The following ADGRB3 variants were observed in gnomAD, a reference collection of about 807,000 sequenced individuals.
ADGRB3 encodes the protein adhesion G protein-coupled receptor B3.
In ADGRB3, 37 loss-of-function variants were observed where a neutral mutation model predicts 193.4. That is an observed-to-expected ratio of 0.19 (90% confidence interval 0.15 to 0.25). ADGRB3 has a LOEUF of 0.25. Ranked by LOEUF, ADGRB3 falls within the 10% of genes least tolerant of loss-of-function variation. The pLI is 1.00. For missense variants in ADGRB3, 1,637 were observed against 1,852.9 expected (o/e 0.88, Z 2.14); for synonymous variants, 690 against 644.2 (o/e 1.07, Z -1.08).
chr6:69,011,531 T>C (rs1268777797), intron 11 of ADGRB3, among the ~76,000 whole-genome samples: 1 of 151,916 alleles, frequency 6.6e-6, no homozygotes, highest in Non-Finnish European at 1.5e-5. Context: ...TACTGGCTAC[T>C]GTGCTTAGTA....
intron 3 of ADGRB3, among the ~76,000 whole-genome samples, chr6:68,900,336 A>C (rs1241879128): frequency 6.6e-6 from 1 of 152,158 alleles, no homozygotes; most frequent in Non-Finnish European, 1.5e-5. Context: ...CCAGAAGCAC[A>C]GGTCTGTAGA....
intron 3 of ADGRB3, among the ~76,000 whole-genome samples, chr6:68,891,991 A>C (rs1462600500): frequency 1.3e-5 from 2 of 152,208 alleles, no homozygotes; most frequent in African/African-American, 4.8e-5. Flanking sequence ...TGTTCTGTCC[A>C]TACTGTCCAG....
At chr6:68,911,419 T>TAA (rs61466569) in intron 3 of ADGRB3, among the ~76,000 whole-genome samples, 19 of 148,822 alleles carry the variant, frequency 1.3e-4, no homozygotes, top group Middle Eastern at 3.5e-3. Flanking sequence ...AAGTATAATT[T>TAA]AAAAAAAAAA....
chr6:68,891,521 A>ATT (rs1170471922), intron 3 of ADGRB3, among the ~76,000 whole-genome samples: 1 of 152,202 alleles, frequency 6.6e-6, no homozygotes, highest in Non-Finnish European at 1.5e-5. Flanking sequence ...TATGTGAGAC[A>ATT]TTATGATGGT....
intron 3 of ADGRB3, among the ~76,000 whole-genome samples, chr6:68,911,393 T>C (rs1766706308): frequency 2.6e-5 from 4 of 151,098 alleles, no homozygotes; most frequent in Admixed American, 2.6e-4. Flanking sequence ...GTTGTGCACA[T>C]GTACCCTAAA....
At chr6:69,274,476 C>CCTTCCTTCCTTCCTTCCTTCCTTCCTTT in intron 20 of ADGRB3, among the ~76,000 whole-genome samples, 1 of 120,864 alleles carries the variant, frequency 8.3e-6, no homozygotes, top group African/African-American at 3.9e-5. Flanking sequence ...TTCCTTCCTT[C>CCTTCCTTCCTTCCTTCCTTCCTTCCTTT]CTCCCTCCCT....
chr6:69,199,072 C>G (rs926208354), intron 17 of ADGRB3, among the ~76,000 whole-genome samples: 6 of 152,066 alleles, frequency 3.9e-5, no homozygotes, highest in Admixed American at 6.6e-5. Context: ...AGAAATACAC[C>G]AGATGATGAT....
intron 3 of ADGRB3, among the ~76,000 whole-genome samples, chr6:68,742,321 A>T (rs369491712): frequency 6.6e-6 from 1 of 152,166 alleles, no homozygotes; most frequent in South Asian, 2.1e-4. Flanking sequence ...ATATGAATGG[A>T]AATTTAATCC....
chr6:68,642,797 G>T (rs1267276033), intron 3 of ADGRB3, among the ~76,000 whole-genome samples: 1 of 148,592 alleles, frequency 6.7e-6, no homozygotes. Context: ...ACATATAATG[G>T]CTATAACTTA....
chr6:69,177,412 A>C (rs1775457409), intron 17 of ADGRB3, among the ~76,000 whole-genome samples: 1 of 151,754 alleles, frequency 6.6e-6, no homozygotes, highest in African/African-American at 2.4e-5. Flanking sequence ...GCTAGAGTGC[A>C]GTGGCGCCGT....
intron 4 of ADGRB3, among the ~76,000 whole-genome samples, chr6:68,936,081 G>T (rs1767478617): frequency 6.6e-6 from 1 of 152,138 alleles, no homozygotes; most frequent in South Asian, 2.1e-4. Context: ...GCATTAGAAA[G>T]GGTGTTATGC....
At chr6:69,101,646 C>T (rs977757846) in intron 17 of ADGRB3, among the ~76,000 whole-genome samples, 5 of 150,528 alleles carry the variant, frequency 3.3e-5, no homozygotes, top group African/African-American at 1.2e-4. Flanking sequence ...CCATATTATA[C>T]AGAAACATTT....
intron 3 of ADGRB3, among the ~76,000 whole-genome samples, chr6:68,714,220 A>G (rs1024532474): frequency 2.6e-5 from 4 of 151,876 alleles, no homozygotes; most frequent in African/African-American, 9.7e-5. Flanking sequence ...GAATTTCAAA[A>G]GAAATCACTA....
chr6:69,234,975 G>T (rs1766228872), intron 18 of ADGRB3, 57 bp from the exon 19 acceptor site: 1 of 1,376,480 alleles, frequency 7.3e-7, no homozygotes, highest in South Asian at 1.2e-5. Context: ...GAGTCTAGAA[G>T]TTATTTTAAT....
rs567420520 is a variant in ADGRB3 at position 69,066,591 on chromosome 6, A to G, written c.2436+3555A>G. On this transcript the variant is annotated intron_variant, in intron 16 of 31. Transcript: ENST00000370598. The stretch of plus-strand genomic sequence containing the variant: ...TTCCAAATTCTGTTTAGCAAAGCCA[A>G]TTGCAGCTTTAACCAGATTAGTCAT... 1.2e-3 allele frequency among the ~76,000 whole-genome samples: 183 copies of G among 152,258 alleles called. 1 individual carries two copies. The highest frequency in any genetic ancestry group is 4.3e-3 in the African/African-American group (179 of 41,568).
chr6:68,955,376 CT>C (rs1768043424), intron 6 of ADGRB3, among the ~76,000 whole-genome samples: 1 of 152,166 alleles, frequency 6.6e-6, no homozygotes, highest in African/African-American at 2.4e-5. Context: ...AAAATATGAG[CT>C]CGATAAGGTC....
intron 20 of ADGRB3, among the ~76,000 whole-genome samples, chr6:69,265,147 G>C (rs1214767791): frequency 6.6e-6 from 1 of 151,930 alleles, no homozygotes; most frequent in African/African-American, 2.4e-5. Context: ...GCTTTTTAAA[G>C]CTGGGAGTCC....
At chr6:68,772,437 G>A (rs910980836) in intron 3 of ADGRB3, among the ~76,000 whole-genome samples, 3 of 151,982 alleles carry the variant, frequency 2.0e-5, no homozygotes, top group African/African-American at 7.2e-5. Flanking sequence ...CTGAAACTGC[G>A]GATTGGGTTT....
chr6:68,891,782 G>A (rs1397763865), intron 3 of ADGRB3, among the ~76,000 whole-genome samples: 1 of 152,144 alleles, frequency 6.6e-6, no homozygotes, highest in Non-Finnish European at 1.5e-5. Context: ...AGGAGAGGGA[G>A]ATGCTGAAGG....
Sources: gnomAD v4.1 joint callset for allele counts (sites outside exome capture counted in the v4.1 genomes callset) on GRCh38, gnomAD v4.1.1 for gene constraint, MANE v1.5 for transcripts, NCBI Gene and HGNC (gene_info 2026-07-23, HGNC 2026-07-21) for gene names.